PCDHGA12: variants seen among roughly 807,000 people sequenced by gnomAD.
The protein encoded by PCDHGA12 is protocadherin gamma-A12.
PCDHGA12 carries 43 observed loss-of-function variants against 61.1 expected under a neutral mutation model. The observed-to-expected ratio is 0.70, with a 90% CI of 0.55 to 0.91. PCDHGA12 has a LOEUF of 0.91. PCDHGA12 is among the 40% of genes least tolerant of loss of function. The pLI, the probability that PCDHGA12 is intolerant of heterozygous loss-of-function variation, is 0.00. For synonymous variants in PCDHGA12, 520 were observed against 542.9 expected, an observed-to-expected ratio of 0.96 and a Z score of 0.59; for missense variants, 1,236 against 1,227.7, an observed-to-expected ratio of 1.01 and a Z score of -0.10.
Position 141,490,318 on chromosome 5 carries a change from C to T in PCDHGA12, c.2425-4489C>T. ...ATTGGCCTCTTTGGCCAACCCTGTCCTAGAGAGCACACCAGTGGGCACAGT... is the reference window on the plus strand; with the variant it reads ...ATTGGCCTCTTTGGCCAACCCTGTCTTAGAGAGCACACCAGTGGGCACAGT... On this transcript the variant is annotated intron_variant, in intron 1 of 3. Transcript: ENST00000252085. The surrounding 1 kb of genome is among the most constrained non-coding windows in gnomAD (Gnocchi z 5.4). 1 of 1,614,220 alleles carries T rather than the reference C, an allele frequency of 6.2e-7. No homozygotes were observed.
intron 2 of PCDHGA12, among the ~76,000 whole-genome samples, chr5:141,501,200 G>A (rs888856586): frequency 1.3e-5 from 2 of 151,854 alleles, no homozygotes; most frequent in African/African-American, 4.8e-5. Context: ...AATTCAGGGT[G>A]TTGTCAGGGT....
At position 141,487,025 on chromosome 5, in the gene PCDHGA12, C is replaced by T. The variant is rs769789352; in HGVS notation, c.2425-7782C>T. On this transcript the variant is annotated intron_variant, in intron 1 of 3. Transcript: ENST00000252085. This position sits in a 1 kb window ranked among gnomAD's most constrained non-coding sequence, Gnocchi z 5.0. ...GCTCCTGGAGGCCCCAGATCCCAGCCTGTTTGCAGTCTCTCGATATGCTGG... is the reference window on the plus strand; with the variant it reads ...GCTCCTGGAGGCCCCAGATCCCAGCTTGTTTGCAGTCTCTCGATATGCTGG... 1.9e-6 allele frequency: 3 copies of T among 1,614,216 alleles called. No homozygotes were observed. Among genetic ancestry groups the T allele is most frequent in the Non-Finnish European group, 2.5e-6 (3 of 1,180,050 alleles).
chr5:141,476,564 C>G lies in PCDHGA12; in HGVS notation c.2425-18243C>G, dbSNP rs2099393821. 1.2e-6 allele frequency: 2 copies of G among 1,614,196 alleles called. No individual in the cohort carries two copies. Among genetic ancestry groups the G allele is most frequent in the South Asian group, 1.1e-5 (1 of 91,086 alleles). ...ATTGGAGATTAGCGAGGCCGTGGCT[C>G]CGGGGACGCGCTTTCCGCTCGAGAG... On this transcript the variant is annotated intron_variant, in intron 1 of 3. Coordinates refer to ENST00000252085, the MANE Select transcript of PCDHGA12 (RefSeq NM_003735.3). This position sits in a 1 kb window ranked among gnomAD's most constrained non-coding sequence, Gnocchi z 7.6.
rs1258752203 is a variant in PCDHGA12, at chr5:141,431,160, G to C, written c.401G>C (p.Arg134Pro). Residue 134 changes from arginine to proline, a missense_variant, in exon 1 of 4, where the codon CGT becomes CCT. Coordinates refer to ENST00000252085, the MANE Select transcript of PCDHGA12 (RefSeq NM_003735.3). The surrounding 1 kb of genome is among the most constrained non-coding windows in gnomAD (Gnocchi z 4.8). ...ATTAACGACAATGCGCCTTACTTTC[G>C]TGAAAGTGAATTAGAAATAAAAATT... is the stretch of plus-strand genomic sequence containing the variant. ...RDINDNAPYF[R>P]ESELEIKISE... The C allele has an allele frequency of 6.2e-7, 1 of 1,614,198 alleles. No homozygotes were observed. Among genetic ancestry groups the C allele is most frequent in the South Asian group, 1.1e-5 (1 of 91,084 alleles).
Position 141,431,351 on chromosome 5 carries a change from C to T in PCDHGA12, c.592C>T (p.Arg198Cys), listed in dbSNP as rs1411192998. Residue 198 changes from arginine (R) to cysteine (C), a missense_variant, in exon 1 of 4, where the codon CGC (arginine) becomes TGC (cysteine). Coordinates refer to ENST00000252085, the MANE Select transcript of PCDHGA12 (RefSeq NM_003735.3). The surrounding 1 kb of genome is among the most constrained non-coding windows in gnomAD (Gnocchi z 4.8). ...GSKYPELVLK[R>C]ALDREEKAAH... ...TAAGTACCCCGAATTGGTGCTGAAACGCGCCCTGGACCGCGAAGAAAAGGC... is the reference window on the plus strand; with the variant it reads ...TAAGTACCCCGAATTGGTGCTGAAATGCGCCCTGGACCGCGAAGAAAAGGC... The T allele has an allele frequency of 1.9e-6, 3 of 1,613,946 alleles. No homozygotes were observed. Among genetic ancestry groups the T allele is most frequent in the African/African-American group, 2.7e-5 (2 of 74,938 alleles).
intron 1 of PCDHGA12, among the ~76,000 whole-genome samples, chr5:141,471,071 C>T (rs1208702673): frequency 7.7e-6 from 1 of 129,696 alleles, no homozygotes; most frequent in Non-Finnish European, 1.6e-5. Context: ...TTTTTTGAGA[C>T]AGGGTCTCCC....
intron 1 of PCDHGA12, among the ~76,000 whole-genome samples, chr5:141,473,191 G>C (rs28479996): frequency 6.6e-6 from 1 of 152,134 alleles, no homozygotes; most frequent in South Asian, 2.1e-4. Flanking sequence ...AGGAGTAAAT[G>C]TATCTTCTAA....
intron 2 of PCDHGA12, 91 bp from the exon 3 acceptor site, chr5:141,505,302 G>T: frequency 6.3e-7 from 1 of 1,592,714 alleles, no homozygotes; most frequent in Non-Finnish European, 8.5e-7. Context: ...TAGGGTTAGG[G>T]TACTAGGTTT....
chr5:141,446,482 CTT>C (rs112180482), intron 1 of PCDHGA12, among the ~76,000 whole-genome samples: 6 of 147,048 alleles, frequency 4.1e-5, no homozygotes, highest in East Asian at 4.0e-4. Context: ...GGTCATCATT[CTT>C]TTTTTTTTTT....
chr5:141,509,900 C>T (rs2099878860), intron 3 of PCDHGA12, among the ~76,000 whole-genome samples: 1 of 152,186 alleles, frequency 6.6e-6, no homozygotes, highest in Admixed American at 6.5e-5. Context: ...CTGTCCCTTC[C>T]AGCATGCGCT....
Position 141,486,486 on chromosome 5 carries a change from A to G in PCDHGA12, c.2425-8321A>G. The G allele has an allele frequency of 6.2e-7, 1 of 1,614,056 alleles. No individual in the cohort carries two copies. Among genetic ancestry groups the G allele is most frequent in the South Asian group, 1.1e-5 (1 of 91,084 alleles). ...GCTGGGAACCCTCCTCTCAGTACCC[A>G]CAGAACTATTTTCCTCAATATTTCA... On this transcript the variant is annotated intron_variant, in intron 1 of 3. Coordinates refer to ENST00000252085, the MANE Select transcript of PCDHGA12 (RefSeq NM_003735.3). The surrounding 1 kb of genome is among the most constrained non-coding windows in gnomAD (Gnocchi z 5.0).
chr5:141,445,048 A>G (rs1364884310), intron 1 of PCDHGA12, among the ~76,000 whole-genome samples: 4 of 152,234 alleles, frequency 2.6e-5, no homozygotes, highest in Non-Finnish European at 5.9e-5. Flanking sequence ...TTTTCAGTGT[A>G]GAGAGGTCAT....
intron 1 of PCDHGA12, among the ~76,000 whole-genome samples, chr5:141,483,124 G>A (rs1468216170): frequency 6.6e-6 from 1 of 152,154 alleles, no homozygotes; most frequent in East Asian, 1.9e-4. Flanking sequence ...GTCTTTGTAG[G>A]AGATGAGGTG....
In PCDHGA12 at chr5:141,471,046, CTTT is replaced by C. The variant is rs1170588345; in HGVS notation, c.2425-23743_2425-23741del. ...ATTTTTATTAACAAGCCCAAGCCCT[CTTT>C]TTTTTTTTTTTTTTTTTGAGACAGG... On this transcript the variant is annotated intron_variant, in intron 1 of 3. Coordinates refer to ENST00000252085, the MANE Select transcript of PCDHGA12 (RefSeq NM_003735.3). 4.8e-4 allele frequency among the ~76,000 whole-genome samples: 54 copies of C among 113,240 alleles called. 1 individual carries two copies. Among genetic ancestry groups the C allele is most frequent in the Middle Eastern group, 5.2e-3 (1 of 192 alleles). 74.3% of individuals were successfully genotyped at this position (113,240 alleles called of 152,430 possible).
At chr5:141,474,965 A>T (rs1268347441) in intron 1 of PCDHGA12, among the ~76,000 whole-genome samples, 1 of 152,236 alleles carries the variant, frequency 6.6e-6, no homozygotes, top group Non-Finnish European at 1.5e-5. Context: ...TATCCTAATC[A>T]TTATAATTTT....
intron 2 of PCDHGA12, among the ~76,000 whole-genome samples, chr5:141,497,483 C>T (rs1039341023): frequency 6.6e-6 from 1 of 150,378 alleles, no homozygotes; most frequent in Non-Finnish European, 1.5e-5. Context: ...AGGTGCGGAA[C>T]CTCTCTCTCT....
intron 1 of PCDHGA12, 171 bp downstream of exon 1, chr5:141,433,354 T>C: frequency 1.7e-6 from 1 of 602,322 alleles, no homozygotes; most frequent in Non-Finnish European, 2.9e-6. Flanking sequence ...CCACCTACTG[T>C]CTGCCTATCT....
At chr5:141,495,104 G>C (rs552664771) in intron 2 of PCDHGA12, among the ~76,000 whole-genome samples, 16 of 152,194 alleles carry the variant, frequency 1.1e-4, no homozygotes, top group Admixed American at 8.5e-4. Flanking sequence ...CGCCACGACC[G>C]GCACCTTTTC....
At chr5:141,446,020 T>C (rs1226676321) in intron 1 of PCDHGA12, among the ~76,000 whole-genome samples, 1 of 152,180 alleles carries the variant, frequency 6.6e-6, no homozygotes, top group African/African-American at 2.4e-5. Context: ...ACTATGGCAA[T>C]ATTCCTGGTA....
Sources: allele counts gnomAD v4.1 joint callset (sites outside exome capture counted in the v4.1 genomes callset), GRCh38; gene constraint gnomAD v4.1.1; non-coding constraint Gnocchi (gnomAD v3.1); transcripts MANE v1.5; gene names NCBI Gene and HGNC (gene_info 2026-07-23, HGNC 2026-07-21).